Variants in TAFA2 observed in about 807,000 individuals in gnomAD.
TAFA2 encodes the protein chemokine-like protein TAFA-2.
A neutral mutation model predicts 18.8 loss-of-function variants in TAFA2; 7 were observed. The ratio of observed to expected loss-of-function variants is 0.37; its 90% CI spans 0.21 to 0.70. TAFA2 has a LOEUF of 0.70. TAFA2 is among the 30% of genes least tolerant of loss of function. TAFA2 has a pLI of 0.53. For synonymous variants in TAFA2, 60 were observed against 54.2 expected (o/e 1.11, Z -0.47); for missense variants, 122 against 158.1 (o/e 0.77, Z 1.23).
chr12:61,794,720 T>A (rs1279633373), intron 2 of TAFA2, among the ~76,000 whole-genome samples: 1 of 151,764 alleles, frequency 6.6e-6, no homozygotes, highest in African/African-American at 2.4e-5. Flanking sequence ...CCCCCAAAAA[T>A]TGACAAATGG....
At chr12:61,993,269 A>G (rs896576248) in intron 1 of TAFA2, among the ~76,000 whole-genome samples, 1 of 152,222 alleles carries the variant, frequency 6.6e-6, no homozygotes, top group African/African-American at 2.4e-5. Context: ...CCACTCATCC[A>G]TATAAGTCAT....
At chr12:61,741,166 G>A (rs12310261) in intron 4 of TAFA2, among the ~76,000 whole-genome samples, 6,573 of 151,886 alleles carry the variant, frequency 0.043, 482 homozygotes, top group African/African-American at 0.15. Flanking sequence ...TTATTCGCTC[G>A]TGGGAATCTT....
At chr12:62,168,493 T>C (rs10877805) in intron 1 of TAFA2, among the ~76,000 whole-genome samples, 16,002 of 152,170 alleles carry the variant, frequency 0.11, 1,099 homozygotes, top group East Asian at 0.2. Flanking sequence ...ATTCTGCTGA[T>C]AAACTGCAAA....
rs1385172427 is a variant in TAFA2, at chr12:62,106,681, C to A, written c.-2+84578G>T. The stretch of plus-strand genomic sequence containing the variant: ...ACAGTAAACTTTTCTTTAGTATACT[C>A]CCCTTTAATTTACATGAAAAGAGAA... On this transcript the variant is annotated intron_variant, in intron 1 of 4. Transcript: ENST00000416284. 3.3e-5 allele frequency among the ~76,000 whole-genome samples: 5 copies of A among 152,158 alleles called. 1 individual carries two copies. Among genetic ancestry groups the A allele is most frequent in the Admixed American group, 2.6e-4 (4 of 15,280 alleles).
At chr12:62,004,795 G>A (rs1880492510) in intron 1 of TAFA2, among the ~76,000 whole-genome samples, 1 of 152,050 alleles carries the variant, frequency 6.6e-6, no homozygotes, top group African/African-American at 2.4e-5. Flanking sequence ...CTATCGACGG[G>A]TGAATGGATA....
intron 1 of TAFA2, among the ~76,000 whole-genome samples, chr12:62,108,204 T>C (rs532207260): frequency 2.1e-4 from 32 of 152,192 alleles, no homozygotes; most frequent in Admixed American, 3.3e-4. Context: ...GTTCTCACTG[T>C]TCAACTCCCA....
chr12:62,243,312 T>G (rs1185499560), intron 1 of TAFA2, among the ~76,000 whole-genome samples: 1 of 152,238 alleles, frequency 6.6e-6, no homozygotes, highest in Admixed American at 6.5e-5. Context: ...ACCTGCAATA[T>G]AGCCCTAACA....
At chr12:61,714,981 T>C (rs542129970) in intron 4 of TAFA2, among the ~76,000 whole-genome samples, 80 of 152,218 alleles carry the variant, frequency 5.3e-4, no homozygotes, top group Non-Finnish European at 9.6e-4. Flanking sequence ...GTTGAATAAA[T>C]TATTTAAACT....
At chr12:61,710,930 TATATTTGAAAA>T (rs937394461) in intron 4 of TAFA2, among the ~76,000 whole-genome samples, 7 of 151,914 alleles carry the variant, frequency 4.6e-5, no homozygotes, top group Non-Finnish European at 1.0e-4. Context: ...TTTGAAAAAT[TATATTTGAAAA>T]ATTATATTTG....
intron 1 of TAFA2, among the ~76,000 whole-genome samples, chr12:62,105,186 C>T (rs373400176): frequency 3.3e-5 from 5 of 151,834 alleles, no homozygotes; most frequent in East Asian, 1.9e-4. Flanking sequence ...GTGACTGCTC[C>T]GAGTCCCCAG....
At chr12:61,740,249 A>C (rs1307647953) in intron 4 of TAFA2, among the ~76,000 whole-genome samples, 1 of 151,866 alleles carries the variant, frequency 6.6e-6, no homozygotes, top group Non-Finnish European at 1.5e-5. Context: ...AAAACACCAC[A>C]TGTTCTCACT....
intron 1 of TAFA2, among the ~76,000 whole-genome samples, chr12:62,127,516 T>A (rs1048000862): frequency 6.6e-6 from 1 of 152,148 alleles, no homozygotes; most frequent in African/African-American, 2.4e-5. Flanking sequence ...TAATTTTTCT[T>A]ATTAAAATTA....
At chr12:62,190,714 T>C (rs1218896967) in intron 1 of TAFA2, among the ~76,000 whole-genome samples, 2 of 152,078 alleles carry the variant, frequency 1.3e-5, no homozygotes, top group African/African-American at 2.4e-5. Flanking sequence ...TAGTTAGAGG[T>C]GGATAAATCA....
intron 1 of TAFA2, among the ~76,000 whole-genome samples, chr12:61,875,379 T>C (rs150859651): frequency 1.3e-5 from 2 of 152,098 alleles, no homozygotes; most frequent in East Asian, 3.9e-4. Flanking sequence ...TATTGTTTTA[T>C]AGTATTATCT....
At chr12:62,024,209 T>G (rs1881240576) in intron 1 of TAFA2, among the ~76,000 whole-genome samples, 1 of 152,188 alleles carries the variant, frequency 6.6e-6, no homozygotes, top group South Asian at 2.1e-4. Flanking sequence ...CTCTTTCATT[T>G]TCTGTGTATT....
chr12:62,005,563 A>G (rs1391150703), intron 1 of TAFA2, among the ~76,000 whole-genome samples: 1 of 152,154 alleles, frequency 6.6e-6, no homozygotes, highest in Non-Finnish European at 1.5e-5. Context: ...ATGAAATTTT[A>G]GCATGAAAGT....
chr12:61,736,854 A>G (rs757991004), intron 4 of TAFA2, among the ~76,000 whole-genome samples: 1 of 152,028 alleles, frequency 6.6e-6, no homozygotes, highest in Non-Finnish European at 1.5e-5. Context: ...AAAAAAGAGG[A>G]TTCCTTGAAG....
At position 61,834,135 on chromosome 12, in the gene TAFA2, A is replaced by T. The variant is rs936963102; in HGVS notation, c.106+33185T>A. ...ACCAGGCACTTATCTAAATGCTTTTATATACACTAGGTCACTTAATCCTCA... is the reference window on the plus strand; with the variant it reads ...ACCAGGCACTTATCTAAATGCTTTTTTATACACTAGGTCACTTAATCCTCA... On this transcript the variant is annotated intron_variant, in intron 2 of 4. Coordinates refer to ENST00000416284, the MANE Select transcript of TAFA2 (RefSeq NM_178539.5). 4.6e-5 allele frequency among the ~76,000 whole-genome samples: 7 copies of T among 152,052 alleles called. No individual in the cohort carries two copies. In the East Asian group the frequency reaches 9.7e-4, roughly 21 times the overall value.
At chr12:62,212,577 T>C (rs1027391660) in intron 1 of TAFA2, among the ~76,000 whole-genome samples, 10 of 152,184 alleles carry the variant, frequency 6.6e-5, no homozygotes, top group Middle Eastern at 3.4e-3. Context: ...TCTTCTCCTC[T>C]GTCTGCTGAA....
Sources: allele counts gnomAD v4.1 joint callset (sites outside exome capture counted in the v4.1 genomes callset), GRCh38; gene constraint gnomAD v4.1.1; transcripts MANE v1.5; gene names NCBI Gene and HGNC (gene_info 2026-07-23, HGNC 2026-07-21).